The following RFTN2 variants were observed in gnomAD, a reference collection of about 807,000 sequenced individuals.
RFTN2 encodes the protein raftlin family member 2, also known as raftlin-2.
RFTN2 carries 34 observed loss-of-function variants against 52.7 expected under a neutral mutation model. The observed-to-expected ratio is 0.64, with a 90% confidence interval of 0.49 to 0.86. The LOEUF is 0.86. Among genes scored for constraint, RFTN2 ranks in the 40% least tolerant of loss-of-function variants. The pLI is 0.00. For synonymous variants in RFTN2, 203 were observed against 217.7 expected (o/e 0.93, Z 0.59); for missense variants, 536 against 600.1 (o/e 0.89, Z 1.12).
intron 4 of RFTN2, among the ~76,000 whole-genome samples, chr2:197,631,699 T>G (rs1446865561): frequency 6.6e-6 from 1 of 152,222 alleles, no homozygotes; most frequent in Non-Finnish European, 1.5e-5. Flanking sequence ...GGTGGACATA[T>G]GCAATATTTC....
chr2:197,674,505 A>G (rs1413375641), intron 1 of RFTN2, among the ~76,000 whole-genome samples: 1 of 152,034 alleles, frequency 6.6e-6, no homozygotes, highest in Admixed American at 6.6e-5. Flanking sequence ...AATTTTACTA[A>G]TATCTGATAA....
intron 1 of RFTN2, among the ~76,000 whole-genome samples, chr2:197,659,810 C>T (rs1459266100): frequency 1.3e-5 from 2 of 148,624 alleles, no homozygotes; most frequent in Non-Finnish European, 3.0e-5. Flanking sequence ...AGAGCAAAAA[C>T]TCTGTCTCAA....
Position 197,626,283 on chromosome 2 carries a change from T to A in RFTN2, c.928+4728A>T, listed in dbSNP as rs577502768. On this transcript the variant is annotated intron_variant, in intron 5 of 8. Coordinates refer to ENST00000295049, the MANE Select transcript of RFTN2 (RefSeq NM_144629.3). The stretch of plus-strand genomic sequence containing the variant: ...TTCATATGTAAAAGGAGAATAAGCA[T>A]GGCCTGGCACGATGGCTCACACCTG... 2.5e-4 allele frequency among the ~76,000 whole-genome samples: 38 copies of A among 151,912 alleles called. No homozygotes were observed. In the South Asian group the frequency reaches 7.8e-3, roughly 31 times the overall value.
chr2:197,634,801 A>G (rs1227936833), intron 3 of RFTN2, among the ~76,000 whole-genome samples: 3 of 151,730 alleles, frequency 2.0e-5, no homozygotes, highest in Non-Finnish European at 4.4e-5. Flanking sequence ...TTAGTTACAT[A>G]TGTATACATG....
rs376170741 is a variant in RFTN2 at position 197,578,801 on chromosome 2, G to T, written c.1234-6521C>A. ...ATTTGGTGCCGTGATTCGGATTGGG[G>T]GACCACCCTTGGCAGATCAATCCCC... On this transcript the variant is annotated intron_variant, in intron 8 of 8. Transcript: ENST00000295049. Among the ~76,000 whole-genome samples, 9 of 152,232 alleles carry T rather than the reference G, an allele frequency of 5.9e-5. No homozygotes were observed. In the East Asian group the frequency reaches 1.7e-3, roughly 29 times the overall value.
chr2:197,640,304 C>T (rs1177447846), intron 3 of RFTN2, among the ~76,000 whole-genome samples: 1 of 152,156 alleles, frequency 6.6e-6, no homozygotes, highest in East Asian at 1.9e-4. Context: ...CTAAGGAAGC[C>T]TGGGCAATGG....
At chr2:197,615,331 A>G (rs534846290) in intron 7 of RFTN2, among the ~76,000 whole-genome samples, 1 of 152,376 alleles carries the variant, frequency 6.6e-6, no homozygotes, top group Admixed American at 6.5e-5. Context: ...CAAAGCGGGC[A>G]GAGGACACAT....
At chr2:197,644,035 TAA>T (rs893713512) in intron 3 of RFTN2, 121 bp downstream of exon 3, 1 of 690,798 alleles carries the variant, frequency 1.4e-6, no homozygotes, top group African/African-American at 1.8e-5. Flanking sequence ...CGATATGTTT[TAA>T]ATTCTGGTAG....
At position 197,631,236 on chromosome 2, in the gene RFTN2, G is replaced by A. The variant is rs1239516486; in HGVS notation, c.719-16C>T. On this transcript the variant is annotated splice_polypyrimidine_tract_variant and intron_variant, in intron 4 of 8. Coordinates refer to ENST00000295049, the MANE Select transcript of RFTN2 (RefSeq NM_144629.3). ...TTATCTGAGGCTAGGCATTCAGAAG[G>A]AGAAAAAAGGGGAAAATTATAATTT... 6.5e-7 allele frequency: 1 copy of A among 1,549,156 alleles called. No homozygotes were observed. Among genetic ancestry groups the A allele is most frequent in the Non-Finnish European group, 8.8e-7 (1 of 1,133,912 alleles).
chr2:197,598,949 C>A (rs980713612), intron 7 of RFTN2, among the ~76,000 whole-genome samples: 4 of 149,868 alleles, frequency 2.7e-5, no homozygotes, highest in Admixed American at 1.3e-4. Context: ...TTACCATATT[C>A]TTCTTCTTCT....
chr2:197,586,599 C>CA (rs886254307), intron 8 of RFTN2, among the ~76,000 whole-genome samples: 1 of 152,016 alleles, frequency 6.6e-6, no homozygotes, highest in African/African-American at 2.4e-5. Context: ...ACTGACACGA[C>CA]AAAAAAGAGT....
At chr2:197,586,752 T>C (rs961328320) in intron 8 of RFTN2, among the ~76,000 whole-genome samples, 4 of 152,200 alleles carry the variant, frequency 2.6e-5, no homozygotes, top group African/African-American at 9.6e-5. Context: ...CACAGACGTA[T>C]CACAAATTTT....
intron 3 of RFTN2, among the ~76,000 whole-genome samples, chr2:197,640,724 C>A (rs531070524): frequency 6.6e-6 from 1 of 152,084 alleles, no homozygotes; most frequent in Non-Finnish European, 1.5e-5. Flanking sequence ...AGCTGTAGAC[C>A]GGAGCTGTTC....
chr2:197,569,202 C>T lies in RFTN2; in HGVS notation c.*2806G>A, dbSNP rs2087278158. The T allele has an allele frequency of 6.6e-6, 1 of 152,194 alleles. No homozygotes were observed. The highest frequency in any genetic ancestry group is 1.5e-5 in the Non-Finnish European group (1 of 68,042). 9.4% of individuals were successfully genotyped at this position (152,194 alleles called of 1,614,324 possible). A position where few individuals can be genotyped will look rare whatever the true frequency, so the allele number is the denominator to read the frequency against. ...TACACCAAGGGGAATGGCAGATCTT[C>T]ACCCAACATCTGGGATCTTGATACC... On this transcript the variant is annotated 3_prime_UTR_variant, in exon 9 of 9. Transcript: ENST00000295049.
chr2:197,589,596 A>C (rs1260147860), intron 8 of RFTN2, among the ~76,000 whole-genome samples: 1 of 152,146 alleles, frequency 6.6e-6, no homozygotes, highest in South Asian at 2.1e-4. Flanking sequence ...TTTCATTTGC[A>C]CTTCCCTAAT....
At chr2:197,590,726 G>A (rs1030007198) in intron 8 of RFTN2, among the ~76,000 whole-genome samples, 4 of 151,942 alleles carry the variant, frequency 2.6e-5, no homozygotes, top group South Asian at 2.1e-4. Context: ...GAATGAACCC[G>A]CAGACCTCCA....
intron 3 of RFTN2, among the ~76,000 whole-genome samples, chr2:197,639,401 TCA>T (rs1449627939): frequency 6.6e-6 from 1 of 151,972 alleles, no homozygotes; most frequent in African/African-American, 2.4e-5. Context: ...TTTGGTCTTT[TCA>T]CATAGTCCCA....
rs182131997 is a variant in RFTN2 at position 197,633,836 on chromosome 2, C to T, written c.600G>A (p.Gly200=). ...SDENCRSWNE[G]TLSGQSSESG... ...TTTCAGATGACTGCCCACTTAACGT[C>T]CCTTCATTCCAACTTCTACAGTTTT... Residue 200 remains glycine, a synonymous_variant, in exon 4 of 9, where the codon GGG becomes GGA. Coordinates refer to ENST00000295049, the MANE Select transcript of RFTN2 (RefSeq NM_144629.3). 5 of 1,613,944 alleles carry T rather than the reference C, an allele frequency of 3.1e-6. No individual in the cohort carries two copies. In the East Asian group the frequency reaches 8.9e-5, roughly 29 times the overall value.
chr2:197,619,757 A>G (rs1304502490), intron 5 of RFTN2, among the ~76,000 whole-genome samples: 1 of 136,564 alleles, frequency 7.3e-6, no homozygotes, highest in East Asian at 2.0e-4. Flanking sequence ...AAAAAATAAT[A>G]ATAACAATAA....
Sources: gnomAD v4.1 joint callset for allele counts (sites outside exome capture counted in the v4.1 genomes callset) on GRCh38, gnomAD v4.1.1 for gene constraint, MANE v1.5 for transcripts, NCBI Gene and HGNC (gene_info 2026-07-23, HGNC 2026-07-21) for gene names.